Variants in NALF1 observed in about 807,000 individuals in gnomAD.
The protein encoded by NALF1 is NALCN channel auxiliary factor 1, also known as family with sequence similarity 155 member A.
In NALF1, 3 loss-of-function variants were observed where a neutral mutation model predicts 48.4. That is an observed-to-expected ratio of 0.06 (90% CI 0.03 to 0.16). The LOEUF (loss-of-function observed/expected upper bound fraction) is 0.16. NALF1 is among the 10% of genes least tolerant of loss of function. The pLI, the probability that NALF1 is intolerant of heterozygous loss-of-function variation, is 1.00. For synonymous variants in NALF1, 262 were observed against 245.7 expected, an observed-to-expected ratio of 1.07 and a Z score of -0.62; for missense variants, 526 against 571.5, an observed-to-expected ratio of 0.92 and a Z score of 0.81.
chr13:107,532,642 T>C (rs1160321140), intron 1 of NALF1, among the ~76,000 whole-genome samples: 1 of 152,120 alleles, frequency 6.6e-6, no homozygotes, highest in Non-Finnish European at 1.5e-5. Flanking sequence ...ATCTTTTGAC[T>C]TGAGGTATTT....
chr13:107,844,411 C>A (rs1286617870), intron 1 of NALF1, among the ~76,000 whole-genome samples: 1 of 152,104 alleles, frequency 6.6e-6, no homozygotes, highest in Non-Finnish European at 1.5e-5. Flanking sequence ...TTATGTAGGT[C>A]ATTCTTAAGA....
At chr13:107,216,601 T>A (rs945609483) in intron 1 of NALF1, among the ~76,000 whole-genome samples, 1 of 152,182 alleles carries the variant, frequency 6.6e-6, no homozygotes, top group African/African-American at 2.4e-5. Context: ...GTCTTCCTGT[T>A]TTCTGGTGGT....
At chr13:107,281,084 A>T (rs1248722569) in intron 1 of NALF1, among the ~76,000 whole-genome samples, 1 of 152,214 alleles carries the variant, frequency 6.6e-6, no homozygotes, top group South Asian at 2.1e-4. Flanking sequence ...ACAAATATTC[A>T]TTGGTGAATT....
intron 1 of NALF1, among the ~76,000 whole-genome samples, chr13:107,722,697 G>T (rs912630162): frequency 6.6e-6 from 1 of 152,192 alleles, no homozygotes; most frequent in Non-Finnish European, 1.5e-5. Context: ...ATCTCCACTC[G>T]TGGGGGGTCA....
At chr13:107,733,134 T>C (rs532971851) in intron 1 of NALF1, among the ~76,000 whole-genome samples, 71 of 97,352 alleles carry the variant, frequency 7.3e-4, no homozygotes, top group African/African-American at 2.3e-3. Context: ...GGTTAGTAAG[T>C]TATTCTAGTA....
chr13:107,792,389 G>A (rs1001306577), intron 1 of NALF1, among the ~76,000 whole-genome samples: 5 of 151,924 alleles, frequency 3.3e-5, no homozygotes, highest in African/African-American at 7.3e-5. Flanking sequence ...AAAGTGTCGC[G>A]GTGTCACTCA....
intron 1 of NALF1, among the ~76,000 whole-genome samples, chr13:107,269,842 G>A (rs1257437301): frequency 6.6e-6 from 1 of 150,878 alleles, no homozygotes; most frequent in Non-Finnish European, 1.5e-5. Flanking sequence ...CCGCCTCCCG[G>A]GTTCACGCCA....
intron 1 of NALF1, among the ~76,000 whole-genome samples, chr13:107,745,590 C>T (rs181917519): frequency 2.2e-4 from 34 of 152,152 alleles, no homozygotes; most frequent in African/African-American, 7.7e-4. Context: ...GTTGTAAACA[C>T]TCAAATCAAG....
chr13:107,527,766 C>G (rs758256493), intron 1 of NALF1, among the ~76,000 whole-genome samples: 33 of 152,072 alleles, frequency 2.2e-4, no homozygotes, highest in Non-Finnish European at 4.7e-4. Flanking sequence ...TCGCTTGGGT[C>G]TCATTCTCTC....
intron 1 of NALF1, among the ~76,000 whole-genome samples, chr13:107,406,967 C>T (rs1256986689): frequency 3.2e-4 from 48 of 151,942 alleles, no homozygotes; most frequent in Admixed American, 3.1e-3. Context: ...ATCCACACAC[C>T]TAACAGTGAA....
At chr13:107,856,207 A>G (rs539775871) in intron 1 of NALF1, among the ~76,000 whole-genome samples, 57 of 152,330 alleles carry the variant, frequency 3.7e-4, no homozygotes, top group Non-Finnish European at 5.9e-4. Context: ...GCACCTGGAC[A>G]AGAGAAAGAA....
intron 1 of NALF1, among the ~76,000 whole-genome samples, chr13:107,569,421 G>A (rs964806050): frequency 1.3e-5 from 2 of 151,730 alleles, no homozygotes; most frequent in African/African-American, 2.4e-5. Flanking sequence ...GCAGTGAGCC[G>A]AGATGGCGCC....
intron 1 of NALF1, among the ~76,000 whole-genome samples, chr13:107,261,845 AT>A (rs1218234144): frequency 6.6e-6 from 1 of 152,148 alleles, no homozygotes; most frequent in Admixed American, 6.5e-5. Context: ...AAATAAATAT[AT>A]TAGAAAGGAA....
At chr13:107,595,532 A>C (rs1179399917) in intron 1 of NALF1, among the ~76,000 whole-genome samples, 1 of 152,168 alleles carries the variant, frequency 6.6e-6, no homozygotes, top group East Asian at 1.9e-4. Flanking sequence ...ATTTCATAAC[A>C]AGCCAAACTA....
At chr13:107,813,038 G>A (rs1475846708) in intron 1 of NALF1, among the ~76,000 whole-genome samples, 2 of 152,130 alleles carry the variant, frequency 1.3e-5, no homozygotes, top group African/African-American at 4.8e-5. Context: ...TTACAGGTGT[G>A]AGCACCACGC....
At chr13:107,852,927 T>C (rs1161527146) in intron 1 of NALF1, among the ~76,000 whole-genome samples, 3 of 152,154 alleles carry the variant, frequency 2.0e-5, no homozygotes, top group Non-Finnish European at 4.4e-5. Context: ...ATTTTGCGGT[T>C]TTCCTGGCTT....
chr13:107,670,511 A>C (rs1880965842), intron 1 of NALF1, among the ~76,000 whole-genome samples: 1 of 152,084 alleles, frequency 6.6e-6, no homozygotes, highest in African/African-American at 2.4e-5. Flanking sequence ...AAAGTATGTA[A>C]ATGTCCAACA....
rs148092236 is a variant in NALF1, at chr13:107,673,300, C to A, written c.915+192382G>T. On this transcript the variant is annotated intron_variant, in intron 1 of 2. Coordinates refer to ENST00000375915, the MANE Select transcript of NALF1 (RefSeq NM_001080396.3). ...AAATTAGTAGAGGAAAATAAACAACCACAAAATAGCCTGATGCACCATACC... is the reference window on the plus strand; with the variant it reads ...AAATTAGTAGAGGAAAATAAACAACAACAAAATAGCCTGATGCACCATACC... Among the ~76,000 whole-genome samples the A allele has an allele frequency of 5.5e-3, 843 of 152,168 alleles. 9 individuals are homozygous for A. Among genetic ancestry groups the A allele is most frequent in the Non-Finnish European group, 5.8e-3 (392 of 68,000 alleles).
At chr13:107,272,941 G>A (rs955630931) in intron 1 of NALF1, among the ~76,000 whole-genome samples, 2 of 152,188 alleles carry the variant, frequency 1.3e-5, no homozygotes, top group African/African-American at 4.8e-5. Context: ...CTTCACCAAT[G>A]AGAATGTACA....
Sources: gnomAD v4.1 joint callset for allele counts (sites outside exome capture counted in the v4.1 genomes callset) on GRCh38, gnomAD v4.1.1 for gene constraint, MANE v1.5 for transcripts, NCBI Gene and HGNC (gene_info 2026-07-23, HGNC 2026-07-21) for gene names.